Variants in WIPF3 observed in about 807,000 individuals in gnomAD.
The protein encoded by WIPF3 is WAS/WASL interacting protein family member 3, also known as WAS/WASL-interacting protein family member 3.
Under a neutral mutation model 38.9 loss-of-function variants are expected in WIPF3, and 33 were observed. The ratio of observed to expected loss-of-function variants is 0.85; its 90% CI spans 0.64 to 1.14. WIPF3 has a LOEUF of 1.14. Ranked by LOEUF, WIPF3 falls within the 50% of genes most tolerant of loss-of-function variation. The pLI, the probability that WIPF3 is intolerant of heterozygous loss-of-function variation, is 0.00. For missense variants in WIPF3, 711 were observed against 652.5 expected, an observed-to-expected ratio of 1.09 and a Z score of -0.98; for synonymous variants, 324 against 269.3, an observed-to-expected ratio of 1.20 and a Z score of -1.99.
At chr7:29,913,432 G>A (rs995273657) in intron 8 of WIPF3, among the ~76,000 whole-genome samples, 1 of 151,812 alleles carries the variant, frequency 6.6e-6, no homozygotes, top group Non-Finnish European at 1.5e-5. Context: ...ATGTTAATAG[G>A]CATTCACTCT....
In WIPF3 at chr7:29,884,265, CCCG is replaced by C; in HGVS notation, c.774_776del (p.Pro259del). ...AGCCTCAGCTGGCTCCCTTGCACCT[CCCG>C]CCCATCCCGCCCCCGCTCCCTCTGC... On this transcript the variant is annotated inframe_deletion, in exon 5 of 9. Coordinates refer to ENST00000242140, the MANE Select transcript of WIPF3 (RefSeq NM_001080529.3). The C allele has an allele frequency of 1.3e-6, 1 of 758,188 alleles. No homozygotes were observed. Among genetic ancestry groups the C allele is most frequent in the South Asian group, 1.5e-5 (1 of 67,752 alleles). The allele number at this position is 758,188 out of a possible 1,614,324, so 47.0% of individuals were successfully genotyped here. A position where few individuals can be genotyped will look rare whatever the true frequency, so the allele number is the denominator to read the frequency against.
intron 7 of WIPF3, among the ~76,000 whole-genome samples, chr7:29,893,320 C>T (rs1786066011): frequency 1.3e-5 from 2 of 152,008 alleles, no homozygotes; most frequent in Non-Finnish European, 2.9e-5. Flanking sequence ...GGGGGAGATG[C>T]CATGTGGCAG....
intron 1 of WIPF3, among the ~76,000 whole-genome samples, chr7:29,809,448 A>T (rs1205119752): frequency 6.6e-6 from 1 of 152,234 alleles, no homozygotes; most frequent in African/African-American, 2.4e-5. Context: ...GAATATTTAG[A>T]AAAGAATCGT....
At position 29,915,689 on chromosome 7, in the gene WIPF3, A is replaced by G. The variant is rs1054677209; in HGVS notation, c.*1173A>G. On this transcript the variant is annotated 3_prime_UTR_variant, in exon 9 of 9. Coordinates refer to ENST00000242140, the MANE Select transcript of WIPF3 (RefSeq NM_001080529.3). The stretch of plus-strand genomic sequence containing the variant: ...TCAGGCCGGGCTGGTCCTGCTCTTC[A>G]CTCCCTCTTCTTGATCCTGTAGGGA... 2.6e-5 allele frequency: 4 copies of G among 151,438 alleles called. No homozygotes were observed. Among genetic ancestry groups the G allele is most frequent in the African/African-American group, 9.7e-5 (4 of 41,084 alleles). 9.4% of individuals were successfully genotyped at this position (151,438 alleles called of 1,614,324 possible). A position where few individuals can be genotyped will look rare whatever the true frequency, so the allele number is the denominator to read the frequency against.
chr7:29,843,120 C>T (rs1158356190), intron 2 of WIPF3, among the ~76,000 whole-genome samples: 7 of 152,232 alleles, frequency 4.6e-5, no homozygotes, highest in African/African-American at 1.7e-4. Flanking sequence ...GATTTTCCCT[C>T]TCTTCTTTGG....
chr7:29,834,944 G>A (rs1784777189), intron 2 of WIPF3, 130 bp downstream of exon 2: 2 of 1,122,170 alleles, frequency 1.8e-6, no homozygotes, highest in East Asian at 3.3e-5. Context: ...TTAGGTGGCT[G>A]GATCTGGCAG....
At chr7:29,824,463 A>G (rs919677639) in intron 1 of WIPF3, among the ~76,000 whole-genome samples, 2 of 152,284 alleles carry the variant, frequency 1.3e-5, no homozygotes, top group East Asian at 3.9e-4. Context: ...ACCTGAACAC[A>G]GTTTTGCAGG....
intron 2 of WIPF3, among the ~76,000 whole-genome samples, chr7:29,866,814 C>G (rs1785395948): frequency 6.6e-6 from 1 of 152,244 alleles, no homozygotes; most frequent in Non-Finnish European, 1.5e-5. Flanking sequence ...CAACATCTAG[C>G]CTGGCCTCAA....
At chr7:29,831,580 T>C (rs1784723242) in intron 1 of WIPF3, among the ~76,000 whole-genome samples, 1 of 152,264 alleles carries the variant, frequency 6.6e-6, no homozygotes. Flanking sequence ...AGTTCCTATA[T>C]TGGATAGGTT....
Position 29,862,414 on chromosome 7 carries a change from C to A in WIPF3, c.91-13416C>A, listed in dbSNP as rs140068731. Among the ~76,000 whole-genome samples, 419 of 152,182 alleles carry A rather than the reference C, an allele frequency of 2.8e-3. 1 individual carries two copies. Among genetic ancestry groups the A allele is most frequent in the Non-Finnish European group, 4.6e-3 (313 of 67,998 alleles). On this transcript the variant is annotated intron_variant, in intron 2 of 8. Transcript: ENST00000242140. ...AAAGGTCAGTAAGACATGGGATAGT[C>A]GGCAAGGATGGTCACTTGGGCTGGG... is the stretch of plus-strand genomic sequence containing the variant.
chr7:29,817,496 G>A (rs143613215), intron 1 of WIPF3, among the ~76,000 whole-genome samples: 1 of 151,890 alleles, frequency 6.6e-6, no homozygotes, highest in Non-Finnish European at 1.5e-5. Context: ...TTAAAAATTT[G>A]ATTCCTTGCA....
chr7:29,878,915 A>G lies in WIPF3; in HGVS notation c.224-94A>G. 1.4e-6 allele frequency: 2 copies of G among 1,403,806 alleles called. No homozygotes were observed. Among genetic ancestry groups the G allele is most frequent in the Admixed American group, 2.1e-5 (1 of 47,562 alleles). 87.0% of individuals were successfully genotyped at this position (1,403,806 alleles called of 1,614,324 possible). A position where few individuals can be genotyped will look rare whatever the true frequency, so the allele number is the denominator to read the frequency against. The stretch of plus-strand genomic sequence containing the variant: ...GGAGAATGGGAAGGCTGACAAGGGC[A>G]GTGGTAGACCAGTGTTAGACCATGG... On this transcript the variant is annotated intron_variant, in intron 3 of 8. Coordinates refer to ENST00000242140, the MANE Select transcript of WIPF3 (RefSeq NM_001080529.3). The surrounding 1 kb of genome is among the most constrained non-coding windows in gnomAD (Gnocchi z 4.0).
At position 29,823,411 on chromosome 7, in the gene WIPF3, A is replaced by G. The variant is rs1226896544; in HGVS notation, c.-57-11257A>G. On this transcript the variant is annotated intron_variant, in intron 1 of 8. Transcript: ENST00000242140. This position sits in a 1 kb window ranked among gnomAD's most constrained non-coding sequence, Gnocchi z 4.0. ...TCCCACGCCGATAATGAGGTCTACC[A>G]TTGGACAGAAACTTTGACAGTTCTC... Among the ~76,000 whole-genome samples, 3 of 152,236 alleles carry G rather than the reference A, an allele frequency of 2.0e-5. No homozygotes were observed. The highest frequency in any genetic ancestry group is 6.5e-5 in the Admixed American group (1 of 15,290).
At chr7:29,882,538 G>C (rs1279977796) in intron 4 of WIPF3, among the ~76,000 whole-genome samples, 1 of 152,160 alleles carries the variant, frequency 6.6e-6, no homozygotes, top group Non-Finnish European at 1.5e-5. Context: ...CAGATACCAA[G>C]GTCTTGCCTA....
intron 7 of WIPF3, among the ~76,000 whole-genome samples, chr7:29,898,328 GTCTC>G (rs1451738800): frequency 2.0e-5 from 3 of 152,092 alleles, no homozygotes; most frequent in African/African-American, 7.2e-5. Flanking sequence ...GAACTCGGGT[GTCTC>G]TCCTTGAAAT....
At chr7:29,862,658 A>T (rs796925507) in intron 2 of WIPF3, among the ~76,000 whole-genome samples, 6 of 152,314 alleles carry the variant, frequency 3.9e-5, no homozygotes, top group African/African-American at 1.4e-4. Flanking sequence ...AGGGTGTAAG[A>T]GAGATAATAA....
intron 2 of WIPF3, among the ~76,000 whole-genome samples, chr7:29,841,082 T>C (rs1322499927): frequency 6.6e-6 from 1 of 152,148 alleles, no homozygotes; most frequent in Non-Finnish European, 1.5e-5. Context: ...TAAATTTTGG[T>C]TACAAGGTCA....
rs897718079 is a variant in WIPF3 at position 29,844,668 on chromosome 7, T to A, written c.90+9854T>A. Among the ~76,000 whole-genome samples the A allele has an allele frequency of 6.6e-6, 1 of 152,218 alleles. No individual in the cohort carries two copies. Among genetic ancestry groups the A allele is most frequent in the African/African-American group, 2.4e-5 (1 of 41,466 alleles). On this transcript the variant is annotated intron_variant, in intron 2 of 8. Transcript: ENST00000242140. This position sits in a 1 kb window ranked among gnomAD's most constrained non-coding sequence, Gnocchi z 4.8. ...GTAAGTGGTACTGATGACTAGGCAA[T>A]GAACACTTATCTAGCATTTACTATG...
chr7:29,881,571 A>T (rs740146), intron 4 of WIPF3, among the ~76,000 whole-genome samples: 66,062 of 151,972 alleles, frequency 0.43, 15,240 homozygotes, highest in African/African-American at 0.58. Flanking sequence ...GAATATAAAT[A>T]TTTTTTTAAT....
Sources: gnomAD v4.1 joint callset for allele counts (sites outside exome capture counted in the v4.1 genomes callset) on GRCh38, gnomAD v4.1.1 for gene constraint, Gnocchi (gnomAD v3.1) non-coding constraint, MANE v1.5 for transcripts, NCBI Gene and HGNC (gene_info 2026-07-23, HGNC 2026-07-21) for gene names.